The following ANKFY1 variants were observed in gnomAD, a reference collection of about 807,000 sequenced individuals.
ANKFY1 encodes the protein ankyrin repeat and FYVE domain-containing protein 1.
Under a neutral mutation model 128.3 loss-of-function variants are expected in ANKFY1, and 47 were observed. The observed-to-expected ratio is 0.37, with a 90% CI of 0.29 to 0.47. The LOEUF is 0.47. Ranked by LOEUF, ANKFY1 falls within the 20% of genes least tolerant of loss-of-function variation. The probability of loss-of-function intolerance (pLI) is 1.00; values close to 1 mark genes in which losing one functional copy is unlikely to be tolerated. For missense variants in ANKFY1, 1,222 were observed against 1,510.6 expected, an observed-to-expected ratio of 0.81 and a Z score of 3.17; for synonymous variants, 553 against 601.6, an observed-to-expected ratio of 0.92 and a Z score of 1.18.
In ANKFY1 at chr17:4,242,326, T is replaced by G. The variant is rs776395664; in HGVS notation, c.133A>C (p.Ser45Arg). ...CGGCTGATGAAGGACTCGCTGCTGC[T>G]CTCCTTGTTTGCCTGCGCAGCCAAG... ...ALLAAQANKE[S>R]SSESFISRLL... Residue 45 changes from serine (S) to arginine (R), a missense_variant, in exon 2 of 25, where the codon AGC becomes CGC. Physicochemically the swap from Ser to Arg is moderately radical, Grantham distance 110. Coordinates refer to ENST00000341657, the MANE Select transcript of ANKFY1 (RefSeq NM_001330063.2). 10 of 1,600,336 alleles carry G rather than the reference T, an allele frequency of 6.2e-6. No homozygotes were observed. Among genetic ancestry groups the G allele is most frequent in the African/African-American group, 1.4e-5 (1 of 74,030 alleles).
chr17:4,217,109 G>C lies in ANKFY1; in HGVS notation c.332C>G (p.Pro111Arg). ...GCGAAGCATTGTCATCGTCACCTCA[G>C]GATTAGCATCTGGTTAAAGAAAGAG... is the stretch of plus-strand genomic sequence containing the variant. ...TKELDLSDAN[P>R]EVTMTMLRWI... is the part of the protein sequence containing the mutation. The change falls in exon 4 of 25, where the codon CCT becomes CGT. Residue 111 changes from proline to arginine, a missense_variant. Transcript: ENST00000341657. The C allele has an allele frequency of 6.2e-7, 1 of 1,610,396 alleles. No homozygotes were observed. Among genetic ancestry groups the C allele is most frequent in the Non-Finnish European group, 8.5e-7 (1 of 1,177,904 alleles).
At chr17:4,201,532 A>G (rs182499144) in intron 7 of ANKFY1, among the ~76,000 whole-genome samples, 15 of 151,210 alleles carry the variant, frequency 9.9e-5, no homozygotes, top group African/African-American at 3.7e-4. Flanking sequence ...ACAAAACAGA[A>G]CCTGGGAAAT....
rs776450710 is a variant in ANKFY1 at position 4,206,484 on chromosome 17, G to A, written c.735C>T (p.Leu245=). The A allele has an allele frequency of 6.2e-7, 1 of 1,608,956 alleles. No homozygotes were observed. The highest frequency in any genetic ancestry group is 8.5e-7 in the Non-Finnish European group (1 of 1,175,758). ...GATCCGCTTCATTCAGCTTCCCAGG[G>A]AGCTACACAAACAAGTTTGTAAATT... ...FLYLIEMDSQ[L]PGKLNEADHN... The change falls in exon 7 of 25, where the codon CTC becomes CTT. Residue 245 remains leucine (L), a splice_region_variant and synonymous_variant. Coordinates refer to ENST00000341657, the MANE Select transcript of ANKFY1 (RefSeq NM_001330063.2).
intron 2 of ANKFY1, 115 bp from the exon 3 acceptor site, chr17:4,236,005 A>G: frequency 1.4e-6 from 1 of 705,492 alleles, no homozygotes; most frequent in South Asian, 1.8e-5. Context: ...GCAAAAGAAA[A>G]AATTACAGCG....
intron 10 of ANKFY1, among the ~76,000 whole-genome samples, chr17:4,193,454 G>T: frequency 7.9e-6 from 1 of 127,172 alleles, no homozygotes; most frequent in Non-Finnish European, 1.6e-5. Context: ...TTGAGATGGA[G>T]TTTCATTCTT....
At chr17:4,211,265 G>A (rs1308276596) in intron 4 of ANKFY1, among the ~76,000 whole-genome samples, 1 of 151,248 alleles carries the variant, frequency 6.6e-6, no homozygotes, top group African/African-American at 2.4e-5. Context: ...CAAATTAGCT[G>A]GGCTGCCTGT....
chr17:4,195,651 C>G (rs1471705090), intron 8 of ANKFY1, among the ~76,000 whole-genome samples, 180 bp from the exon 9 acceptor site: 1 of 152,150 alleles, frequency 6.6e-6, no homozygotes, highest in Non-Finnish European at 1.5e-5. Flanking sequence ...TATATGTGAC[C>G]ATTATTCAGC....
intron 2 of ANKFY1, among the ~76,000 whole-genome samples, chr17:4,240,754 G>A (rs193285949): frequency 7.9e-5 from 12 of 152,242 alleles, no homozygotes; most frequent in African/African-American, 2.6e-4. Context: ...AAAACACACA[G>A]CTTTACTTCC....
At position 4,183,528 on chromosome 17, in the gene ANKFY1, G is replaced by A. The variant is rs768710987; in HGVS notation, c.1822C>T (p.Leu608=). ...WTGMHTIAAQ[L]LGSGAAINDT... ...TTGATGGCGGCTCCAGAGCCCAGCA[G>A]CTGGGCTGCGATCGTGTGCATGCCT... Residue 608 remains leucine (L), a synonymous_variant, in exon 14 of 25, where the codon CTG becomes TTG. Transcript: ENST00000341657. The A allele has an allele frequency of 6.2e-7, 1 of 1,612,584 alleles. No individual in the cohort carries two copies. Among genetic ancestry groups the A allele is most frequent in the Non-Finnish European group, 8.5e-7 (1 of 1,180,004 alleles).
Position 4,260,378 on chromosome 17 carries a change from A to T in ANKFY1, c.10+3554T>A, listed in dbSNP as rs1348227108. Among the ~76,000 whole-genome samples the T allele has an allele frequency of 3.3e-5, 5 of 152,268 alleles. No individual in the cohort carries two copies. In the South Asian group the frequency reaches 1.0e-3, roughly 32 times the overall value. ...ACACCTGTAATCCCAGCACTTCAGG[A>T]GGCCCAGGCAGGTGAATGGCTTGAG... On this transcript the variant is annotated intron_variant, in intron 1 of 24. Coordinates refer to ENST00000341657, the MANE Select transcript of ANKFY1 (RefSeq NM_001330063.2).
At position 4,189,285 on chromosome 17, in the gene ANKFY1, G is replaced by GA. The variant is rs2059668329; in HGVS notation, c.1470+96dup. 9.5e-6 allele frequency: 10 copies of GA among 1,054,222 alleles called. No homozygotes were observed. In the South Asian group the frequency reaches 1.1e-4, roughly 11 times the overall value. The allele number at this position is 1,054,222 out of a possible 1,614,324, so 65.3% of individuals were successfully genotyped here. On this transcript the variant is annotated intron_variant, in intron 11 of 24. Coordinates refer to ENST00000341657, the MANE Select transcript of ANKFY1 (RefSeq NM_001330063.2). ...GCATGTATTATTCTGATTAAAAACT[G>GA]AAAAAAACCACCTATTCCCCTTTTT... is the stretch of plus-strand genomic sequence containing the variant.
chr17:4,212,334 C>T (rs1189472318), intron 4 of ANKFY1, among the ~76,000 whole-genome samples: 2 of 152,182 alleles, frequency 1.3e-5, no homozygotes, highest in Non-Finnish European at 2.9e-5. Context: ...AGTGGAGACC[C>T]ATTACATTTT....
intron 1 of ANKFY1, among the ~76,000 whole-genome samples, chr17:4,263,361 T>A (rs1034823768): frequency 1.3e-5 from 2 of 152,090 alleles, no homozygotes; most frequent in Non-Finnish European, 2.9e-5. Flanking sequence ...AACCCCTTCC[T>A]CCCGTCTTCA....
At chr17:4,182,054 G>A in intron 15 of ANKFY1, 127 bp downstream of exon 15, 1 of 1,004,502 alleles carries the variant, frequency 1.0e-6, no homozygotes, top group Non-Finnish European at 1.3e-6. Flanking sequence ...GCTTTCAACT[G>A]CTTGTCCTTG....
At chr17:4,190,858 C>T (rs1036310614) in intron 10 of ANKFY1, among the ~76,000 whole-genome samples, 9 of 152,234 alleles carry the variant, frequency 5.9e-5, no homozygotes, top group East Asian at 5.8e-4. Flanking sequence ...CTGTGACAGC[C>T]GGGCACGGTG....
chr17:4,208,278 A>G, intron 5 of ANKFY1, 196 bp from the exon 6 acceptor site: 1 of 506,582 alleles, frequency 2.0e-6, no homozygotes, highest in Non-Finnish European at 3.4e-6. Context: ...ATATTATGGC[A>G]TAAAGAGATT....
At chr17:4,211,061 A>G (rs1160746198) in intron 4 of ANKFY1, among the ~76,000 whole-genome samples, 10 of 151,898 alleles carry the variant, frequency 6.6e-5, no homozygotes, top group Non-Finnish European at 5.9e-5. Context: ...AAAAAGAAAA[A>G]AAGAAAAAAG....
intron 11 of ANKFY1, chr17:4,186,468 T>G (rs1311971556): frequency 6.6e-6 from 1 of 152,336 alleles, no homozygotes; most frequent in African/African-American, 2.4e-5. Flanking sequence ...TTTTAACTCT[T>G]CCAGCTGGGT....
At chr17:4,216,212 A>G (rs1394015699) in intron 4 of ANKFY1, among the ~76,000 whole-genome samples, 2 of 152,234 alleles carry the variant, frequency 1.3e-5, no homozygotes, top group Non-Finnish European at 2.9e-5. Flanking sequence ...ACACAGCAAT[A>G]GGTGGAGTGC....
Sources: gnomAD v4.1 joint callset for allele counts (sites outside exome capture counted in the v4.1 genomes callset) on GRCh38, gnomAD v4.1.1 for gene constraint, MANE v1.5 for transcripts, NCBI Gene and HGNC (gene_info 2026-07-23, HGNC 2026-07-21) for gene names.